The following CFDP1 variants were observed in gnomAD, a reference collection of about 807,000 sequenced individuals.
CFDP1 encodes heterochromatin-stabilizing protein CFDP1.
In CFDP1, 31 loss-of-function variants were observed where a neutral mutation model predicts 40.1. The observed-to-expected ratio is 0.77, with a 90% CI of 0.58 to 1.04. CFDP1 has a LOEUF of 1.04. Among genes scored for constraint, CFDP1 ranks in the 50% least tolerant of loss-of-function variants. The probability of loss-of-function intolerance (pLI) is 0.00; values close to 1 mark genes in which losing one functional copy is unlikely to be tolerated. For synonymous variants in CFDP1, 167 were observed against 120.0 expected, an observed-to-expected ratio of 1.39 and a Z score of -2.56; for missense variants, 423 against 343.4, an observed-to-expected ratio of 1.23 and a Z score of -1.83.
At chr16:75,336,231 C>T (rs901467950) in intron 5 of CFDP1, among the ~76,000 whole-genome samples, 3 of 152,150 alleles carry the variant, frequency 2.0e-5, no homozygotes, top group African/African-American at 7.2e-5. Flanking sequence ...AGACACTGCC[C>T]TCAAGGAGCC....
At chr16:75,398,985 A>G (rs1050538356) in intron 4 of CFDP1, among the ~76,000 whole-genome samples, 2 of 142,910 alleles carry the variant, frequency 1.4e-5, no homozygotes, top group Non-Finnish European at 3.0e-5. Context: ...GGAACCCGGG[A>G]GGTGGAGCTT....
chr16:75,304,950 A>T, intron 6 of CFDP1, 74 bp downstream of exon 6: 1 of 1,460,326 alleles, frequency 6.8e-7, no homozygotes, highest in Non-Finnish European at 9.4e-7. Flanking sequence ...TACAGTGGGC[A>T]GTTTGTCTCC....
At chr16:75,379,344 AAGAG>A (rs36050796) in intron 5 of CFDP1, among the ~76,000 whole-genome samples, 4 of 149,120 alleles carry the variant, frequency 2.7e-5, no homozygotes, top group East Asian at 3.9e-4. Flanking sequence ...CCAAAAAAAA[AAGAG>A]AGAGAGAGAG....
intron 1 of CFDP1, among the ~76,000 whole-genome samples, chr16:75,423,752 G>C (rs1017602883): frequency 3.3e-5 from 5 of 152,160 alleles, no homozygotes; most frequent in African/African-American, 1.2e-4. Context: ...CTGACCTTGA[G>C]ATCCGCCCAC....
At chr16:75,305,393 C>T in intron 5 of CFDP1, 2 of 542,550 alleles carry the variant, frequency 3.7e-6, no homozygotes, top group Non-Finnish European at 6.5e-6. Context: ...CCACTGTCTG[C>T]TCTCCTGAGC....
intron 5 of CFDP1, among the ~76,000 whole-genome samples, chr16:75,348,595 T>G (rs1375390112): frequency 6.6e-6 from 1 of 152,148 alleles, no homozygotes; most frequent in Non-Finnish European, 1.5e-5. Flanking sequence ...GCTCACTTTA[T>G]ATTTTTAAAA....
At chr16:75,304,320 G>A (rs766601534) in intron 6 of CFDP1, among the ~76,000 whole-genome samples, 43 of 152,220 alleles carry the variant, frequency 2.8e-4, no homozygotes, top group Middle Eastern at 6.8e-3. Context: ...TGCCCGCCTC[G>A]GCCTCCGAAA....
At chr16:75,365,840 A>C (rs1302347380) in intron 5 of CFDP1, among the ~76,000 whole-genome samples, 2 of 152,222 alleles carry the variant, frequency 1.3e-5, no homozygotes, top group East Asian at 3.8e-4. Context: ...AATTAAATAC[A>C]ATGAAGTACC....
intron 5 of CFDP1, among the ~76,000 whole-genome samples, chr16:75,386,711 T>C (rs8046949): frequency 0.68 from 103,278 of 151,974 alleles, 36,659 homozygotes; most frequent in Non-Finnish European, 0.78. Flanking sequence ...GGCAACAGAG[T>C]GAGACTCCGT....
intron 5 of CFDP1, among the ~76,000 whole-genome samples, chr16:75,318,119 A>C (rs994955341): frequency 6.6e-6 from 1 of 151,974 alleles, no homozygotes; most frequent in African/African-American, 2.4e-5. Flanking sequence ...AGCCTGGGTG[A>C]CAGAGTGAGA....
chr16:75,308,525 T>C (rs191190320), intron 5 of CFDP1, among the ~76,000 whole-genome samples: 13 of 152,336 alleles, frequency 8.5e-5, no homozygotes, highest in African/African-American at 2.2e-4. Context: ...TCTCTACCCA[T>C]TGATAGAGTT....
Position 75,384,711 on chromosome 16 carries a change from A to G in CFDP1, c.650+10379T>C, listed in dbSNP as rs1277799143. On this transcript the variant is annotated intron_variant, in intron 5 of 6. Transcript: ENST00000283882. The stretch of plus-strand genomic sequence containing the variant: ...AAAACTGTAAATGTTCATCAATAAG[A>G]GAAGGTGCACTCAAATTATGGAAGT... Among the ~76,000 whole-genome samples, 11 of 152,078 alleles carry G rather than the reference A, an allele frequency of 7.2e-5. No individual in the cohort carries two copies. In the East Asian group the frequency reaches 2.1e-3, roughly 29 times the overall value.
intron 5 of CFDP1, among the ~76,000 whole-genome samples, chr16:75,390,826 C>T (rs2078942646): frequency 6.6e-6 from 1 of 152,186 alleles, no homozygotes; most frequent in Non-Finnish European, 1.5e-5. Context: ...TAACTGCTCC[C>T]ACTCTTGCCC....
At chr16:75,393,036 G>A (rs982069245) in intron 5 of CFDP1, among the ~76,000 whole-genome samples, 2 of 152,308 alleles carry the variant, frequency 1.3e-5, no homozygotes, top group South Asian at 4.1e-4. Context: ...TCAGTGCCAT[G>A]ATACATGCTG....
intron 5 of CFDP1, among the ~76,000 whole-genome samples, chr16:75,323,944 T>C (rs2078384818): frequency 6.6e-6 from 1 of 152,236 alleles, no homozygotes; most frequent in Non-Finnish European, 1.5e-5. Context: ...AGTTAATTTC[T>C]CTGAGTCTCA....
chr16:75,422,114 G>C (rs529388080), intron 1 of CFDP1, among the ~76,000 whole-genome samples: 2 of 151,448 alleles, frequency 1.3e-5, no homozygotes, highest in African/African-American at 4.8e-5. Flanking sequence ...TCTTTTTTTT[G>C]AGACGGAGTT....
At chr16:75,321,120 T>A (rs2078360169) in intron 5 of CFDP1, among the ~76,000 whole-genome samples, 2 of 152,046 alleles carry the variant, frequency 1.3e-5, no homozygotes, top group African/African-American at 4.8e-5. Flanking sequence ...TACTTTAATA[T>A]TTTAATAAAT....
chr16:75,334,372 T>C (rs1325910818), intron 5 of CFDP1, among the ~76,000 whole-genome samples: 1 of 151,072 alleles, frequency 6.6e-6, no homozygotes, highest in Non-Finnish European at 1.5e-5. Flanking sequence ...TGTACGGCAG[T>C]CCCACCTGTC....
chr16:75,421,153 C>A (rs1040928933), intron 1 of CFDP1, among the ~76,000 whole-genome samples: 1 of 152,134 alleles, frequency 6.6e-6, no homozygotes, highest in African/African-American at 2.4e-5. Context: ...GGGGAGGAGC[C>A]CGGCCCCTCT....
Sources: allele counts gnomAD v4.1 joint callset (sites outside exome capture counted in the v4.1 genomes callset), GRCh38; gene constraint gnomAD v4.1.1; transcripts MANE v1.5; gene names NCBI Gene and HGNC (gene_info 2026-07-23, HGNC 2026-07-21).